PCDH15: variants seen among roughly 807,000 people sequenced by gnomAD.
PCDH15 encodes protocadherin related 15, also known as protocadherin-15.
A neutral mutation model predicts 178.5 loss-of-function variants in PCDH15; 129 were observed. That is an observed-to-expected ratio of 0.72 (90% CI 0.63 to 0.84). The LOEUF is 0.84. Among genes scored for constraint, PCDH15 ranks in the 40% least tolerant of loss-of-function variants. The pLI, the probability that PCDH15 is intolerant of heterozygous loss-of-function variation, is 0.00. For synonymous variants in PCDH15, 800 were observed against 732.0 expected (o/e 1.09, Z -1.50); for missense variants, 2,230 against 2,099.9 (o/e 1.06, Z -1.21).
chr10:54,326,970 C>T (rs1938260391), intron 7 of PCDH15, among the ~76,000 whole-genome samples: 1 of 152,040 alleles, frequency 6.6e-6, no homozygotes, highest in Admixed American at 6.6e-5. Context: ...TCGACTTCTT[C>T]CTAATGCTAT....
rs764678005 is a variant in PCDH15 at position 53,866,840 on chromosome 10, A to G, written c.3519T>C (p.Thr1173=). 3 of 1,610,326 alleles carry G rather than the reference A, an allele frequency of 1.9e-6. No individual in the cohort carries two copies. The highest frequency in any genetic ancestry group is 2.5e-6 in the Non-Finnish European group (3 of 1,177,124). The change falls in exon 27 of 38, where the codon ACT becomes ACC. Residue 1173 remains threonine, a synonymous_variant. Coordinates refer to ENST00000644397, the MANE Select transcript of PCDH15 (RefSeq NM_001384140.1). ...VLRVKATDKD[T]GNYSVMAYRL... ...TGTAGGCCATGACACTATAATTGCC[A>G]GTATCTTTATCAGTAGCCTAGACGG... is the stretch of plus-strand genomic sequence containing the variant.
intron 1 of PCDH15, among the ~76,000 whole-genome samples, chr10:54,745,364 A>G (rs1256214442): frequency 2.7e-5 from 2 of 74,572 alleles, no homozygotes; most frequent in African/African-American, 4.8e-5. Flanking sequence ...ATCCTTTTAT[A>G]TACACACAGA....
chr10:54,460,512 C>T (rs2077100237), intron 3 of PCDH15, among the ~76,000 whole-genome samples: 1 of 151,922 alleles, frequency 6.6e-6, no homozygotes, highest in African/African-American at 2.4e-5. Flanking sequence ...AAACAAGATG[C>T]TAATGCAACA....
intron 11 of PCDH15, among the ~76,000 whole-genome samples, chr10:54,192,377 C>G (rs1299139212): frequency 1.3e-5 from 2 of 151,666 alleles, no homozygotes; most frequent in African/African-American, 4.8e-5. Flanking sequence ...AATAACAGAC[C>G]AATAGGGTGG....
Position 55,070,899 on chromosome 10 carries a change from C to G in PCDH15, c.-80+95677G>C, listed in dbSNP as rs1841722787. On this transcript the variant is annotated intron_variant, in intron 2 of 5. Transcript: ENST00000458638. ...GCCATTTTCACGATATTGATTCTTCCTTCCCATGAGCATGGAATGTTCTTC... is the reference window on the plus strand; with the variant it reads ...GCCATTTTCACGATATTGATTCTTCGTTCCCATGAGCATGGAATGTTCTTC... Among the ~76,000 whole-genome samples the G allele has an allele frequency of 3.3e-5, 5 of 152,222 alleles. No homozygotes were observed. The South Asian group carries it at 1.0e-3, about 32-fold the overall frequency.
intron 2 of PCDH15, among the ~76,000 whole-genome samples, chr10:55,154,649 C>T (rs1170226836): frequency 6.6e-6 from 1 of 152,098 alleles, no homozygotes; most frequent in Non-Finnish European, 1.5e-5. Flanking sequence ...GGGATTCCCT[C>T]ATATAGTGCT....
chr10:54,172,364 C>T (rs1298775263), intron 13 of PCDH15, among the ~76,000 whole-genome samples: 2 of 151,960 alleles, frequency 1.3e-5, no homozygotes, highest in African/African-American at 2.4e-5. Context: ...CCTTTACCTA[C>T]CCAAATCCTA....
intron 3 of PCDH15, among the ~76,000 whole-genome samples, chr10:54,854,451 C>A (rs1170267876): frequency 1.3e-5 from 2 of 152,164 alleles, no homozygotes; most frequent in African/African-American, 2.4e-5. Context: ...GGTACATAGA[C>A]AACTGGAGAG....
intron 2 of PCDH15, among the ~76,000 whole-genome samples, chr10:54,658,594 G>A (rs1794690322): frequency 6.6e-6 from 1 of 152,092 alleles, no homozygotes; most frequent in African/African-American, 2.4e-5. Context: ...CAAGTGGTAA[G>A]GGAAATTTTC....
intron 27 of PCDH15, among the ~76,000 whole-genome samples, chr10:53,866,396 A>G (rs936263535): frequency 2.0e-5 from 3 of 150,822 alleles, no homozygotes; most frequent in Non-Finnish European, 3.0e-5. Flanking sequence ...AAATATTATA[A>G]TGTTTTTCTC....
chr10:55,458,354 G>A (rs1301360917), intron 2 of PCDH15, among the ~76,000 whole-genome samples: 1 of 152,042 alleles, frequency 6.6e-6, no homozygotes, highest in Non-Finnish European at 1.5e-5. Context: ...TAATGATACA[G>A]TGAAAGAGTT....
chr10:54,455,713 C>T (rs2076773830), intron 3 of PCDH15, among the ~76,000 whole-genome samples: 3 of 152,122 alleles, frequency 2.0e-5, no homozygotes, highest in African/African-American at 7.2e-5. Context: ...GAAAATGTCT[C>T]GAGGACATGT....
chr10:55,525,637 C>A (rs572081440), intron 2 of PCDH15, among the ~76,000 whole-genome samples: 2 of 151,960 alleles, frequency 1.3e-5, no homozygotes, highest in East Asian at 3.9e-4. Context: ...ACATATTAAA[C>A]AATTTCAAAC....
At chr10:54,698,429 C>G (rs1466020929) in intron 1 of PCDH15, among the ~76,000 whole-genome samples, 2 of 152,068 alleles carry the variant, frequency 1.3e-5, no homozygotes, top group Non-Finnish European at 2.9e-5. Context: ...TGTATAGATT[C>G]TGTGTTTAGA....
intron 3 of PCDH15, among the ~76,000 whole-genome samples, chr10:54,843,357 T>C (rs2061046): frequency 1 from 151,510 of 152,064 alleles, 75,482 homozygotes; most frequent in Non-Finnish European, 1. Context: ...GCCGCCAGAC[T>C]TCTGGGTCAG....
intron 2 of PCDH15, among the ~76,000 whole-genome samples, chr10:55,610,681 T>C (rs1269348958): frequency 1.3e-5 from 2 of 152,074 alleles, no homozygotes; most frequent in Admixed American, 6.6e-5. Flanking sequence ...TAATCTATTG[T>C]AGGGTGTGGT....
At chr10:54,878,543 C>A (rs1954195830) in intron 3 of PCDH15, among the ~76,000 whole-genome samples, 1 of 152,120 alleles carries the variant, frequency 6.6e-6, no homozygotes, top group Admixed American at 6.6e-5. Flanking sequence ...ACTTTGAAAC[C>A]ACAGTTATGA....
At chr10:55,287,795 G>A (rs1842908669) in intron 1 of PCDH15, among the ~76,000 whole-genome samples, 1 of 151,868 alleles carries the variant, frequency 6.6e-6, no homozygotes, top group Admixed American at 6.6e-5. Flanking sequence ...TAGCCGTTAG[G>A]ACATGCAAGA....
At chr10:54,021,557 G>T (rs2092922390) in intron 19 of PCDH15, among the ~76,000 whole-genome samples, 1 of 151,668 alleles carries the variant, frequency 6.6e-6, no homozygotes. Flanking sequence ...CCATGATTTT[G>T]ACCAGGCTTT....
Sources: allele counts gnomAD v4.1 joint callset (sites outside exome capture counted in the v4.1 genomes callset), GRCh38; gene constraint gnomAD v4.1.1; transcripts MANE v1.5; gene names NCBI Gene and HGNC (gene_info 2026-07-23, HGNC 2026-07-21).